Variants in UGT2B17 observed in about 807,000 individuals in gnomAD.
UGT2B17 encodes the protein UDP-glucuronosyltransferase 2B17.
UGT2B17 carries 21 observed loss-of-function variants against 48.2 expected under a neutral mutation model. The ratio of observed to expected loss-of-function variants is 0.44; its 90% CI spans 0.31 to 0.63. The LOEUF is 0.63. Ranked by LOEUF, UGT2B17 falls within the 20% of genes least tolerant of loss-of-function variation. The pLI is 0.08. For missense variants in UGT2B17, 402 were observed against 696.1 expected (o/e 0.58, Z 4.75); for synonymous variants, 146 against 238.4 (o/e 0.61, Z 3.57).
In UGT2B17 at chr4:68,568,202, C is replaced by T. The variant is rs138016442; in HGVS notation, c.283G>A (p.Asp95Asn). ...TTTGAAATACTATATGTCCATCTAT[C>T]GAACATTTTCATAAAAAAATCTTCC... ...DLEDFFMKMF[D>N]RWTYSISKNT... is the part of the protein sequence containing the mutation. The change falls in exon 2 of 7, where the codon GAT becomes AAT. Residue 95 changes from aspartate (D) to asparagine (N), a missense_variant. Around this residue, in one of 5 missense-constraint regions of UGT2B17, gnomAD observed 84 missense variants for 92.6 expected, o/e 0.91. Coordinates refer to ENST00000317746, the MANE Select transcript of UGT2B17 (RefSeq NM_001077.4). 1.3e-3 allele frequency: 1,819 copies of T among 1,372,632 alleles called. 429 individuals carry two copies. Among genetic ancestry groups the T allele is most frequent in the Non-Finnish European group, 1.7e-3 (1,741 of 1,052,000 alleles). The allele number at this position is 1,372,632 out of a possible 1,614,324, so 85.0% of individuals were successfully genotyped here.
In UGT2B17 at chr4:68,562,448, T is replaced by C. The variant is rs1426730685; in HGVS notation, c.874-1780A>G. 1.1e-4 allele frequency among the ~76,000 whole-genome samples: 14 copies of C among 126,120 alleles called. 3 individuals carry two copies. Among genetic ancestry groups the C allele is most frequent in the African/African-American group, 3.8e-4 (14 of 36,868 alleles). The allele number at this position is 126,120 out of a possible 152,430, so 82.7% of individuals were successfully genotyped here. On this transcript the variant is annotated intron_variant, in intron 3 of 6. Transcript: ENST00000317746. The stretch of plus-strand genomic sequence containing the variant: ...TTTAATTGGAGATTCAGTGTATGGC[T>C]ATTAGAGTTAATTCATGAGGCATCC...
At position 68,537,702 on chromosome 4, in the gene UGT2B17, T is replaced by C. The variant is rs1730579003; in HGVS notation, c.1516A>G (p.Ile506Val). 4.4e-6 allele frequency: 6 copies of C among 1,378,856 alleles called. 1 individual carries two copies. Among genetic ancestry groups the C allele is most frequent in the African/African-American group, 1.5e-5 (1 of 67,840 alleles). 85.4% of individuals were successfully genotyped at this position (1,378,856 alleles called of 1,614,324 possible). Residue 506 changes from isoleucine to valine, a missense_variant, in exon 7 of 7, where the codon ATA becomes GTA. Transcript: ENST00000317746. ...AGGCAACATTTTGTGATCATAAATATCATAGTTGCCACGCAGGCCAGCAGG... is the reference window on the plus strand; with the variant it reads ...AGGCAACATTTTGTGATCATAAATACCATAGTTGCCACGCAGGCCAGCAGG... ...AFLLACVATMIFMITKCCLFC... is the reference protein window; with the variant it reads ...AFLLACVATMVFMITKCCLFC...
In UGT2B17 at chr4:68,572,493, G is replaced by A. The variant is rs563635510; in HGVS notation, c.-65+3458C>T. On this transcript the variant is annotated intron_variant, in intron 1 of 6. Coordinates refer to ENST00000317746, the MANE Select transcript of UGT2B17 (RefSeq NM_001077.4). ...TTTAATTTTTTTAGAGTCCTCGGGC[G>A]TCCGTGATATTAGTGTTAGTCAGTT... is the stretch of plus-strand genomic sequence containing the variant. Among the ~76,000 whole-genome samples, 10 of 125,906 alleles carry A rather than the reference G, an allele frequency of 7.9e-5. 2 individuals are homozygous for A. Among genetic ancestry groups the A allele is most frequent in the African/African-American group, 2.2e-4 (8 of 36,722 alleles). 82.6% of individuals were successfully genotyped at this position (125,906 alleles called of 152,430 possible).
chr4:68,551,713 T>A lies in UGT2B17; in HGVS notation c.1093+111A>T. 7 of 779,602 alleles carry A rather than the reference T, an allele frequency of 9.0e-6. 1 individual carries two copies. Among genetic ancestry groups the A allele is most frequent in the Non-Finnish European group, 1.2e-5 (7 of 570,908 alleles). 48.3% of individuals were successfully genotyped at this position (779,602 alleles called of 1,614,324 possible). On this transcript the variant is annotated intron_variant, in intron 5 of 6. Coordinates refer to ENST00000317746, the MANE Select transcript of UGT2B17 (RefSeq NM_001077.4). Reference sequence around the variant, plus strand: ...AATATAAAGTAGTTAAATTTGATTTTTTTTTAGTTTTCCAATAATAAATGT... The same window carrying A: ...AATATAAAGTAGTTAAATTTGATTTATTTTTAGTTTTCCAATAATAAATGT...
At chr4:68,568,653 T>C in intron 1 of UGT2B17, 105 bp from the exon 2 acceptor site, 2 of 664,400 alleles carry the variant, frequency 3.0e-6, no homozygotes, top group Non-Finnish European at 2.0e-6. Flanking sequence ...ATTACTCTAG[T>C]CAAGCAATAA....
At position 68,567,871 on chromosome 4, in the gene UGT2B17, T is replaced by C. The variant is rs533428189; in HGVS notation, c.614A>G (p.Gln205Arg). 4.4e-6 allele frequency: 6 copies of C among 1,377,822 alleles called. No homozygotes were observed. In the African/African-American group the frequency reaches 7.4e-5, roughly 17 times the overall value. 85.3% of individuals were successfully genotyped at this position (1,377,822 alleles called of 1,614,324 possible). A position where few individuals can be genotyped will look rare whatever the true frequency, so the allele number is the denominator to read the frequency against. Residue 205 changes from glutamine (Q) to arginine (R), a missense_variant, in exon 2 of 7, where the codon CAA becomes CGA. Gln to Arg is a conservative substitution (Grantham distance 43). Coordinates refer to ENST00000317746, the MANE Select transcript of UGT2B17 (RefSeq NM_001077.4). Reference sequence around the variant, plus strand: ...TTTTATCCTCTCCATGAAAATCATTTGATCACTTAATTCTGACATAACAAC... The same window carrying C: ...TTTTATCCTCTCCATGAAAATCATTCGATCACTTAATTCTGACATAACAAC... Reference protein sequence around the residue: ...VPVVMSELSDQMIFMERIKNM... With the variant: ...VPVVMSELSDRMIFMERIKNM...
In UGT2B17 at chr4:68,541,173, T is replaced by C. The variant is rs182310273; in HGVS notation, c.1314-3269A>G. 2.1e-3 allele frequency among the ~76,000 whole-genome samples: 262 copies of C among 126,060 alleles called. 52 individuals are homozygous for C. The highest frequency in any genetic ancestry group is 7.0e-3 in the African/African-American group (257 of 36,942). The allele number at this position is 126,060 out of a possible 152,430, so 82.7% of individuals were successfully genotyped here. On this transcript the variant is annotated intron_variant, in intron 6 of 6. Transcript: ENST00000317746. ...TTTGGGTATATATCAAGTAATGAGA[T>C]TGCTAGGTCAAATGGTGTTTCTGGT...
chr4:68,549,407 G>T (rs1730876302), intron 6 of UGT2B17, among the ~76,000 whole-genome samples: 1 of 122,438 alleles, frequency 8.2e-6, no homozygotes, highest in Non-Finnish European at 1.7e-5. Flanking sequence ...TCGTATATTT[G>T]ATAAGGGATA....
At chr4:68,558,870 C>T (rs1036724356) in intron 4 of UGT2B17, among the ~76,000 whole-genome samples, 3 of 125,832 alleles carry the variant, frequency 2.4e-5, no homozygotes, top group African/African-American at 8.1e-5. Context: ...TATCTGATTG[C>T]CTCCTTTGGA....
intron 6 of UGT2B17, among the ~76,000 whole-genome samples, chr4:68,540,822 T>A (rs1212305182): frequency 4.0e-5 from 5 of 124,270 alleles, no homozygotes; most frequent in Admixed American, 3.3e-4. Flanking sequence ...ATGGCCCCGG[T>A]GTGTTTTGCT....
chr4:68,567,683 ATTATAT>A lies in UGT2B17; in HGVS notation c.724+72_724+77del, dbSNP rs1419595648. The A allele has an allele frequency of 4.8e-5, 48 of 1,006,430 alleles. 9 individuals carry two copies. Among genetic ancestry groups the A allele is most frequent in the African/African-American group, 4.2e-4 (25 of 58,868 alleles). The allele number at this position is 1,006,430 out of a possible 1,614,324, so 62.3% of individuals were successfully genotyped here. Reference sequence around the variant, plus strand: ...TCCCATAAAAACACTATCTTCTGACATTATATTTATATAAGCCCACCTTCAAAGGCA... The same window carrying A: ...TCCCATAAAAACACTATCTTCTGACATTATATAAGCCCACCTTCAAAGGCA... On this transcript the variant is annotated intron_variant, in intron 2 of 6. Coordinates refer to ENST00000317746, the MANE Select transcript of UGT2B17 (RefSeq NM_001077.4).
rs528641727 is a variant in UGT2B17, at chr4:68,548,718, C to T, written c.1313+1959G>A. Among the ~76,000 whole-genome samples, 2 of 125,254 alleles carry T rather than the reference C, an allele frequency of 1.6e-5. 1 individual carries two copies. Among genetic ancestry groups the T allele is most frequent in the African/African-American group, 5.4e-5 (2 of 36,704 alleles). 82.2% of individuals were successfully genotyped at this position (125,254 alleles called of 152,430 possible). A position where few individuals can be genotyped will look rare whatever the true frequency, so the allele number is the denominator to read the frequency against. ...TATTTCTCCTTGAAGAGGTCCTTCA[C>T]GTACCTTGTTAGGCATATTCCTAGG... On this transcript the variant is annotated intron_variant, in intron 6 of 6. Coordinates refer to ENST00000317746, the MANE Select transcript of UGT2B17 (RefSeq NM_001077.4).
At chr4:68,569,853 C>T (rs1396473415) in intron 1 of UGT2B17, among the ~76,000 whole-genome samples, 1 of 126,514 alleles carries the variant, frequency 7.9e-6, no homozygotes, top group Non-Finnish European at 1.7e-5. Context: ...CCACCTGCAC[C>T]CAGGCACTCA....
chr4:68,564,294 A>ATATATTTTT lies in UGT2B17; in HGVS notation c.873+1277_873+1278insAAAAATATA, dbSNP rs1366181355. ...ATTTCATATATATATATATATATAT[A>ATATATTTTT]TTTTTTTTTTTTGAGACAGAGTCTC... is the stretch of plus-strand genomic sequence containing the variant. On this transcript the variant is annotated intron_variant, in intron 3 of 6. Transcript: ENST00000317746. Among the ~76,000 whole-genome samples the ATATATTTTT allele has an allele frequency of 1.0e-3, 79 of 75,752 alleles. 5 individuals carry two copies. The highest frequency in any genetic ancestry group is 3.7e-3 in the African/African-American group (73 of 19,698). The allele number at this position is 75,752 out of a possible 152,430, so 49.7% of individuals were successfully genotyped here. A position where few individuals can be genotyped will look rare whatever the true frequency, so the allele number is the denominator to read the frequency against.
rs529373141 is a variant in UGT2B17 at position 68,576,082 on chromosome 4, C to T, written c.-196G>A. ...ACTGGGGCAATTTCCTACCCAGGAGCGCTCTTTGGATCTCATCACTCAGGC... is the reference window on the plus strand; with the variant it reads ...ACTGGGGCAATTTCCTACCCAGGAGTGCTCTTTGGATCTCATCACTCAGGC... On this transcript the variant is annotated 5_prime_UTR_variant, in exon 1 of 7. Transcript: ENST00000317746. Among the ~76,000 whole-genome samples the T allele has an allele frequency of 3.0e-4, 37 of 125,070 alleles. 6 individuals are homozygous for T. Among genetic ancestry groups the T allele is most frequent in the African/African-American group, 8.8e-4 (32 of 36,506 alleles). The allele number at this position is 125,070 out of a possible 152,430, so 82.1% of individuals were successfully genotyped here. A position where few individuals can be genotyped will look rare whatever the true frequency, so the allele number is the denominator to read the frequency against.
chr4:68,567,687 T>C (rs1176713087), intron 2 of UGT2B17, 74 bp downstream of exon 2: 2 of 1,034,196 alleles, frequency 1.9e-6, no homozygotes, highest in African/African-American at 1.7e-5. Flanking sequence ...TCTGACATTA[T>C]ATTTATATAA....
intron 6 of UGT2B17, among the ~76,000 whole-genome samples, chr4:68,549,742 C>A (rs1253940623): frequency 2.4e-5 from 3 of 125,682 alleles, no homozygotes; most frequent in Admixed American, 8.2e-5. Context: ...ACAGTTTAGC[C>A]ATTCTTCATA....
chr4:68,574,988 A>T lies in UGT2B17; in HGVS notation c.-65+963T>A, dbSNP rs1163036706. On this transcript the variant is annotated intron_variant, in intron 1 of 6. Transcript: ENST00000317746. ...TTGAAGATAACCATTCCTTTTTTTTAAAAAGTGAACTTTCTTTATGTCTTT... is the reference window on the plus strand; with the variant it reads ...TTGAAGATAACCATTCCTTTTTTTTTAAAAGTGAACTTTCTTTATGTCTTT... Among the ~76,000 whole-genome samples the T allele has an allele frequency of 1.5e-4, 16 of 109,730 alleles. 3 individuals are homozygous for T. Among genetic ancestry groups the T allele is most frequent in the African/African-American group, 4.4e-4 (14 of 31,554 alleles). 72.0% of individuals were successfully genotyped at this position (109,730 alleles called of 152,430 possible).
At position 68,537,343 on chromosome 4, in the gene UGT2B17, T is replaced by C. The variant is rs1411048380; in HGVS notation, c.*282A>G. ...ATGTGTGAAACATAAGGAAGCTCAG[T>C]AACTTTTGTGTGGGGTAACTTTTGG... On this transcript the variant is annotated 3_prime_UTR_variant, in exon 7 of 7. Coordinates refer to ENST00000317746, the MANE Select transcript of UGT2B17 (RefSeq NM_001077.4). 23 of 189,174 alleles carry C rather than the reference T, an allele frequency of 1.2e-4. 4 individuals are homozygous for C. The highest frequency in any genetic ancestry group is 5.7e-4 in the African/African-American group (23 of 40,178). The allele number at this position is 189,174 out of a possible 1,614,324, so 11.7% of individuals were successfully genotyped here.
Sources: allele counts gnomAD v4.1 joint callset (sites outside exome capture counted in the v4.1 genomes callset), GRCh38; gene constraint gnomAD v4.1.1; regional missense constraint gnomAD v4.1.1; transcripts MANE v1.5; gene names NCBI Gene and HGNC (gene_info 2026-07-23, HGNC 2026-07-21).